The following DLGAP2 variants were observed in gnomAD, a reference collection of about 807,000 sequenced individuals.
The protein encoded by DLGAP2 is DLG associated protein 2.
Under a neutral mutation model 100.3 loss-of-function variants are expected in DLGAP2, and 26 were observed. The observed-to-expected ratio is 0.26, with a 90% CI of 0.19 to 0.36. The LOEUF is 0.36. Among genes scored for constraint, DLGAP2 ranks in the 10% least tolerant of loss-of-function variants. DLGAP2 has a pLI of 1.00. For synonymous variants in DLGAP2, 886 were observed against 630.1 expected, an observed-to-expected ratio of 1.41 and a Z score of -6.08; for missense variants, 1,858 against 1,453.2, an observed-to-expected ratio of 1.28 and a Z score of -4.53.
At position 1,315,198 on chromosome 8, in the gene DLGAP2, G is replaced by A. The variant is rs188570975; in HGVS notation, c.106+56315G>A. ...ATAATTCCCAACACTCAAGAAACTC[G>A]GCAGCTTTTAAAAATAGAGCGTGTG... On this transcript the variant is annotated intron_variant, in intron 3 of 14. Transcript: ENST00000637795. 9.1e-4 allele frequency among the ~76,000 whole-genome samples: 139 copies of A among 152,318 alleles called. 1 individual carries two copies. The highest frequency in any genetic ancestry group is 3.1e-3 in the African/African-American group (127 of 41,568).
At chr8:1,204,646 T>A (rs1357068915) in intron 2 of DLGAP2, among the ~76,000 whole-genome samples, 1 of 152,150 alleles carries the variant, frequency 6.6e-6, no homozygotes, top group Non-Finnish European at 1.5e-5. Flanking sequence ...GTTGGCTGAT[T>A]CGCCAAAGAA....
intron 4 of DLGAP2, among the ~76,000 whole-genome samples, chr8:1,519,771 G>A (rs1276133050): frequency 6.6e-6 from 1 of 152,262 alleles, no homozygotes; most frequent in African/African-American, 2.4e-5. Context: ...TCAGCATCCT[G>A]GGGACCTGGC....
intron 3 of DLGAP2, among the ~76,000 whole-genome samples, chr8:1,492,912 G>A (rs73172573): frequency 0.16 from 24,146 of 152,092 alleles, 2,424 homozygotes; most frequent in East Asian, 0.35. Context: ...ATCTTCAGAG[G>A]TACATGTCAA....
At chr8:1,328,006 A>T (rs1229989871) in intron 3 of DLGAP2, among the ~76,000 whole-genome samples, 1 of 152,048 alleles carries the variant, frequency 6.6e-6, no homozygotes, top group African/African-American at 2.4e-5. Flanking sequence ...TTCATGGGTG[A>T]GGCTGAGACT....
Position 1,678,334 on chromosome 8 carries a change from C to A in DLGAP2, c.2409C>A (p.Phe803Leu). 1 of 1,614,042 alleles carries A rather than the reference C, an allele frequency of 6.2e-7. No homozygotes were observed. The highest frequency in any genetic ancestry group is 8.5e-7 in the Non-Finnish European group (1 of 1,179,898). ...EDKGLQFGSS[F>L]QRHSEPSTPT... ...AAGGCCTTCAGTTCGGCTCATCCTT[C>A]CAGCGGCACTCCGAGCCCAGCACCC... Residue 803 changes from phenylalanine (F) to leucine (L), a missense_variant, in exon 12 of 15, where the codon TTC becomes TTA. By Grantham distance (22) the Phe-to-Leu change is conservative. Transcript: ENST00000637795.
chr8:901,387 G>A lies in DLGAP2; in HGVS notation c.19-6525G>A, dbSNP rs559252290. On this transcript the variant is annotated intron_variant, in intron 1 of 14. Transcript: ENST00000637795. ...ATTATTTGAATTTCTTCCAAAGAAA[G>A]TTAACAGGTGAATCTCTTTATTGAT... Among the ~76,000 whole-genome samples the A allele has an allele frequency of 5.9e-5, 9 of 152,366 alleles. No homozygotes were observed. In the South Asian group the frequency reaches 8.3e-4, roughly 14 times the overall value.
chr8:1,350,413 C>T (rs79518806), intron 3 of DLGAP2, among the ~76,000 whole-genome samples: 53 of 63,894 alleles, frequency 8.3e-4, no homozygotes, highest in African/African-American at 2.7e-3. Context: ...CCTGACTGTG[C>T]GTGGAAAGGC....
intron 8 of DLGAP2, among the ~76,000 whole-genome samples, chr8:1,635,978 C>G (rs1314522038): frequency 6.6e-6 from 1 of 152,168 alleles, no homozygotes; most frequent in Non-Finnish European, 1.5e-5. Context: ...GAACAGAATA[C>G]CCTGTGAGGC....
chr8:889,288 G>A (rs1039289879), intron 1 of DLGAP2, among the ~76,000 whole-genome samples: 5 of 152,220 alleles, frequency 3.3e-5, no homozygotes, highest in African/African-American at 1.2e-4. Context: ...AGGCCTGACA[G>A]CAGGCCCCGT....
At chr8:1,235,057 C>T (rs994072477) in intron 2 of DLGAP2, among the ~76,000 whole-genome samples, 4 of 151,810 alleles carry the variant, frequency 2.6e-5, no homozygotes, top group Non-Finnish European at 5.9e-5. Context: ...GTCTAGTTCT[C>T]TCACATGGCA....
intron 2 of DLGAP2, among the ~76,000 whole-genome samples, chr8:1,234,457 A>T (rs773471218): frequency 6.6e-6 from 1 of 152,118 alleles, no homozygotes; most frequent in Non-Finnish European, 1.5e-5. Context: ...TTTCATAAGG[A>T]CACTAGTAAT....
At chr8:806,850 T>G (rs1796279993) in intron 1 of DLGAP2, among the ~76,000 whole-genome samples, 1 of 152,152 alleles carries the variant, frequency 6.6e-6, no homozygotes, top group Non-Finnish European at 1.5e-5. Context: ...AGAAGAAGCA[T>G]TAAATTATCA....
intron 3 of DLGAP2, among the ~76,000 whole-genome samples, chr8:1,333,724 G>T (rs745478413): frequency 4.2e-4 from 64 of 152,226 alleles, no homozygotes; most frequent in Non-Finnish European, 9.3e-4. Flanking sequence ...CTCAAATTCA[G>T]TTTCATATGG....
At chr8:1,630,650 C>T (rs971755542) in intron 7 of DLGAP2, among the ~76,000 whole-genome samples, 4 of 151,256 alleles carry the variant, frequency 2.6e-5, no homozygotes. Context: ...TGCAGTGAGC[C>T]GAGATCACGC....
chr8:1,332,469 A>C (rs563132531), intron 3 of DLGAP2, among the ~76,000 whole-genome samples: 15 of 151,954 alleles, frequency 9.9e-5, no homozygotes, highest in Middle Eastern at 3.4e-3. Flanking sequence ...GAGTATATGC[A>C]TGTGTGTGTG....
At chr8:818,489 C>G (rs184309891) in intron 1 of DLGAP2, among the ~76,000 whole-genome samples, 3 of 152,188 alleles carry the variant, frequency 2.0e-5, no homozygotes, top group African/African-American at 4.8e-5. Flanking sequence ...TTTCAGGGAG[C>G]CTGCAGCACT....
At chr8:1,387,562 G>A (rs947334326) in intron 3 of DLGAP2, among the ~76,000 whole-genome samples, 4 of 152,178 alleles carry the variant, frequency 2.6e-5, no homozygotes, top group African/African-American at 7.2e-5. Context: ...TGACGCCACT[G>A]AACTGCACCA....
chr8:1,168,743 G>A (rs1192562602), intron 2 of DLGAP2, among the ~76,000 whole-genome samples: 18 of 141,146 alleles, frequency 1.3e-4, no homozygotes, highest in South Asian at 6.7e-4. Context: ...TTTTTTTCTC[G>A]TAAATTTGTT....
intron 1 of DLGAP2, among the ~76,000 whole-genome samples, chr8:775,164 G>A (rs1376431903): frequency 6.6e-6 from 1 of 151,650 alleles, no homozygotes. Flanking sequence ...TGTTATTGGT[G>A]TATAAGAATG....
Sources: gnomAD v4.1 joint callset for allele counts (sites outside exome capture counted in the v4.1 genomes callset) on GRCh38, gnomAD v4.1.1 for gene constraint, MANE v1.5 for transcripts, NCBI Gene and HGNC (gene_info 2026-07-23, HGNC 2026-07-21) for gene names.